Variants in PCNX1 observed in about 807,000 individuals in gnomAD.
The protein encoded by PCNX1 is pecanex-like protein 1.
PCNX1 carries 78 observed loss-of-function variants against 242.2 expected under a neutral mutation model. The ratio of observed to expected loss-of-function variants is 0.32; its 90% CI spans 0.27 to 0.39. The LOEUF is 0.39. Ranked by LOEUF, PCNX1 falls within the 10% of genes least tolerant of loss-of-function variation. The pLI, the probability that PCNX1 is intolerant of heterozygous loss-of-function variation, is 1.00. For synonymous variants in PCNX1, 1,024 were observed against 1,032.9 expected, an observed-to-expected ratio of 0.99 and a Z score of 0.17; for missense variants, 2,581 against 2,856.5, an observed-to-expected ratio of 0.90 and a Z score of 2.20.
At chr14:71,094,786 G>A (rs746017008) in intron 30 of PCNX1, among the ~76,000 whole-genome samples, 1 of 152,096 alleles carries the variant, frequency 6.6e-6, no homozygotes, top group Non-Finnish European at 1.5e-5. Context: ...AGAAATATTA[G>A]CCAGGCAAGG....
rs570791949 is a variant in PCNX1, at chr14:70,939,289, A to C, written c.154-7626A>C. Among the ~76,000 whole-genome samples, 538 of 152,312 alleles carry C rather than the reference A, an allele frequency of 3.5e-3. 1 individual carries two copies. The highest frequency in any genetic ancestry group is 0.013 in the African/African-American group (522 of 41,546). Reference sequence around the variant, plus strand: ...CATTTAGTGCTATAAATTTCCCTCTACACACTGCTTTAAATGTGTCCCAGA... The same window carrying C: ...CATTTAGTGCTATAAATTTCCCTCTCCACACTGCTTTAAATGTGTCCCAGA... On this transcript the variant is annotated intron_variant, in intron 1 of 35. Coordinates refer to ENST00000304743, the MANE Select transcript of PCNX1 (RefSeq NM_014982.3).
chr14:70,913,493 C>A (rs962992802), intron 1 of PCNX1, among the ~76,000 whole-genome samples: 8 of 152,258 alleles, frequency 5.3e-5, no homozygotes, highest in African/African-American at 1.7e-4. Flanking sequence ...GTTATACATA[C>A]ATACATGATA....
intron 30 of PCNX1, 102 bp downstream of exon 30, chr14:71,089,444 G>A (rs1172263583): frequency 4.9e-5 from 40 of 824,032 alleles, no homozygotes; most frequent in South Asian, 2.8e-4. Flanking sequence ...AGGAATACCC[G>A]AGACTGGGTA....
intron 1 of PCNX1, among the ~76,000 whole-genome samples, chr14:70,938,601 G>A (rs999700891): frequency 6.6e-6 from 1 of 152,098 alleles, no homozygotes; most frequent in African/African-American, 2.4e-5. Flanking sequence ...TTTTTTGGTT[G>A]TGTCTCTGTC....
chr14:70,921,416 G>C (rs2056369408), intron 1 of PCNX1, among the ~76,000 whole-genome samples: 1 of 152,088 alleles, frequency 6.6e-6, no homozygotes, highest in South Asian at 2.1e-4. Flanking sequence ...GAGTAGCTAG[G>C]ACTACAGGTG....
intron 22 of PCNX1, among the ~76,000 whole-genome samples, chr14:71,050,291 T>C (rs1369302245): frequency 6.6e-6 from 1 of 152,172 alleles, no homozygotes; most frequent in Non-Finnish European, 1.5e-5. Context: ...CATCTAGCAT[T>C]AGGTATATCT....
intron 1 of PCNX1, among the ~76,000 whole-genome samples, chr14:70,927,199 G>A (rs565391098): frequency 2.0e-5 from 3 of 152,306 alleles, no homozygotes; most frequent in East Asian, 3.9e-4. Context: ...ACATTCCTTA[G>A]TAGAATATCT....
At chr14:71,008,444 C>T (rs553589683) in intron 8 of PCNX1, among the ~76,000 whole-genome samples, 1 of 152,038 alleles carries the variant, frequency 6.6e-6, no homozygotes, top group Non-Finnish European at 1.5e-5. Flanking sequence ...ATCATGAGGT[C>T]AGGAGATCAA....
chr14:71,038,604 A>G (rs1334960877), intron 19 of PCNX1, among the ~76,000 whole-genome samples: 1 of 151,468 alleles, frequency 6.6e-6, no homozygotes, highest in Non-Finnish European at 1.5e-5. Flanking sequence ...AGAAATAGGA[A>G]CACTTTTACA....
chr14:71,028,654 A>T, intron 15 of PCNX1, 46 bp from the exon 16 acceptor site: 1 of 1,108,332 alleles, frequency 9.0e-7, no homozygotes. Context: ...AATTATTTTC[A>T]TATATTTTTA....
chr14:70,953,415 A>G (rs909263576), intron 2 of PCNX1, among the ~76,000 whole-genome samples: 1 of 151,570 alleles, frequency 6.6e-6, no homozygotes, highest in African/African-American at 2.4e-5. Context: ...TCCAATGCTC[A>G]TTTATGTTTT....
At chr14:70,968,882 T>C (rs2058458433) in intron 4 of PCNX1, 139 bp from the exon 5 acceptor site, 3 of 576,864 alleles carry the variant, frequency 5.2e-6, no homozygotes, top group Non-Finnish European at 9.3e-6. Context: ...CATCTTCCAT[T>C]ATTGTAACCT....
intron 8 of PCNX1, among the ~76,000 whole-genome samples, chr14:71,002,141 T>A (rs1195506000): frequency 1.3e-5 from 2 of 152,208 alleles, no homozygotes; most frequent in Non-Finnish European, 2.9e-5. Context: ...AAAATACTCT[T>A]GGCAGTGGCT....
chr14:70,910,488 T>A (rs2055849015), intron 1 of PCNX1, among the ~76,000 whole-genome samples: 1 of 151,950 alleles, frequency 6.6e-6, no homozygotes, highest in African/African-American at 2.4e-5. Context: ...ATGTTCCTGC[T>A]TCAGCGCCTT....
intron 20 of PCNX1, 127 bp downstream of exon 20, chr14:71,045,410 T>G: frequency 1.5e-6 from 1 of 688,592 alleles, no homozygotes; most frequent in Non-Finnish European, 2.4e-6. Flanking sequence ...TGCTTAAGTT[T>G]GAAGCCGTTA....
Position 71,115,090 on chromosome 14 carries a change from T to G in PCNX1, c.*5155T>G, listed in dbSNP as rs1360862862. The G allele has an allele frequency of 6.6e-6, 1 of 152,584 alleles. No individual in the cohort carries two copies. Among genetic ancestry groups the G allele is most frequent in the East Asian group, 1.9e-4 (1 of 5,194 alleles). 9.5% of individuals were successfully genotyped at this position (152,584 alleles called of 1,614,324 possible). A position where few individuals can be genotyped will look rare whatever the true frequency, so the allele number is the denominator to read the frequency against. ...TGGAAGGAGGAATATTGAAAATGAT[T>G]CTAGGAAAGTGAACGTAAGAAAGGA... On this transcript the variant is annotated 3_prime_UTR_variant, in exon 36 of 36. Coordinates refer to ENST00000304743, the MANE Select transcript of PCNX1 (RefSeq NM_014982.3).
chr14:70,927,550 T>G (rs188416869), intron 1 of PCNX1, among the ~76,000 whole-genome samples: 4 of 152,188 alleles, frequency 2.6e-5, no homozygotes, highest in Admixed American at 2.6e-4. Context: ...TTTATATATC[T>G]TATTGATTTT....
chr14:71,071,046 T>C (rs1334711839), intron 26 of PCNX1, among the ~76,000 whole-genome samples: 1 of 152,238 alleles, frequency 6.6e-6, no homozygotes, highest in Non-Finnish European at 1.5e-5. Flanking sequence ...AGTTTTATGT[T>C]ATGAAGACAG....
At chr14:71,004,481 C>T (rs12100735) in intron 8 of PCNX1, among the ~76,000 whole-genome samples, 10,568 of 152,298 alleles carry the variant, frequency 0.069, 485 homozygotes, top group East Asian at 0.27. Context: ...TGCAAGGGAT[C>T]TAGGTTGCCC....
Sources: gnomAD v4.1 joint callset for allele counts (sites outside exome capture counted in the v4.1 genomes callset) on GRCh38, gnomAD v4.1.1 for gene constraint, MANE v1.5 for transcripts, NCBI Gene and HGNC (gene_info 2026-07-23, HGNC 2026-07-21) for gene names.